USP9Y: variants seen among roughly 807,000 people sequenced by gnomAD.
USP9Y encodes the protein ubiquitin specific peptidase 9 Y-linked, also known as ubiquitin carboxyl-terminal hydrolase 9Y.
A neutral mutation model predicts 53.1 loss-of-function variants in USP9Y; 41 were observed. That is an observed-to-expected ratio of 0.77 (90% CI 0.60 to 1.00). The LOEUF (loss-of-function observed/expected upper bound fraction) is 1.00, where lower values mean the gene tolerates loss of function less well. Among genes scored for constraint, USP9Y ranks in the 50% least tolerant of loss-of-function variants. USP9Y has a pLI of 0.00. For missense variants in USP9Y, 567 were observed against 535.8 expected, an observed-to-expected ratio of 1.06 and a Z score of -0.58; for synonymous variants, 220 against 173.7, an observed-to-expected ratio of 1.27 and a Z score of -2.09.
At chrY:12,857,091 G>C (rs1603204499) in intron 44 of USP9Y, 1 of 101,074 alleles carries the variant, frequency 9.9e-6, no homozygotes, top group Non-Finnish European at 1.9e-5. Flanking sequence ...TCTTTTGTTT[G>C]TTTTTTGTCT....
intron 42 of USP9Y, among the ~76,000 whole-genome samples, chrY:12,853,281 C>T: frequency 2.9e-5 from 1 of 34,200 alleles, no homozygotes; most frequent in Non-Finnish European, 7.3e-5. Flanking sequence ...CCTTGCAGTT[C>T]GATCTCAGAC....
chrY:12,858,416 C>T (rs2053579808), intron 45 of USP9Y, among the ~76,000 whole-genome samples: 1 of 32,155 alleles, frequency 3.1e-5, no homozygotes, highest in African/African-American at 1.2e-4. Flanking sequence ...CTGTAACCTC[C>T]GCCTCTGGGG....
chrY:12,774,465 CA>C lies in USP9Y; in HGVS notation c.2331+561del, dbSNP rs771610111. On this transcript the variant is annotated intron_variant, in intron 17 of 45. Coordinates refer to ENST00000338981, the MANE Select transcript of USP9Y (RefSeq NM_004654.4). ...CTGAGGACAGAGCGAGACTCCGTCT[CA>C]AAAAAAAAAAAAAAAAAAAAGAATT... Among the ~76,000 whole-genome samples the C allele has an allele frequency of 1.4e-3, 7 of 4,964 alleles. No homozygotes were observed. In the East Asian group the frequency reaches 0.027, roughly 19 times the overall value. 13.3% of individuals were successfully genotyped at this position (4,964 alleles called of 37,273 possible). A position where few individuals can be genotyped will look rare whatever the true frequency, so the allele number is the denominator to read the frequency against.
In USP9Y at chrY:12,838,017, G is replaced by A. The variant is rs1216873282; in HGVS notation, c.5302G>A (p.Ala1768Thr). 1 of 381,412 alleles carries A rather than the reference G, an allele frequency of 2.6e-6. No individual in the cohort carries two copies. The highest frequency in any genetic ancestry group is 7.6e-5 in the Admixed American group (1 of 13,195). Residue 1768 changes from alanine to threonine, a missense_variant, in exon 35 of 46, where the codon GCA (alanine) becomes ACA (threonine). Coordinates refer to ENST00000338981, the MANE Select transcript of USP9Y (RefSeq NM_004654.4). ...QYIKGDLLEG[A>T]NAYHCEKCDK... Reference sequence around the variant, plus strand: ...TATCAAAGGAGATTTATTGGAAGGTGCAAATGCATATCATTGTGAAAAATG... The same window carrying A: ...TATCAAAGGAGATTTATTGGAAGGTACAAATGCATATCATTGTGAAAAATG...
rs2053539871 is a variant in USP9Y, at chrY:12,820,109, C to CA, written c.5021+1510dup. On this transcript the variant is annotated intron_variant, in intron 33 of 45. Transcript: ENST00000338981. The stretch of plus-strand genomic sequence containing the variant: ...TCAGCAACAGAGGGAGACCCTATCT[C>CA]AAAAAAAAAAACAAAGAAAGAGCTC... 2.7e-3 allele frequency among the ~76,000 whole-genome samples: 74 copies of CA among 27,513 alleles called. No homozygotes were observed. In the South Asian group the frequency reaches 0.029, roughly 11 times the overall value. The allele number at this position is 27,513 out of a possible 37,273, so 73.8% of individuals were successfully genotyped here. A position where few individuals can be genotyped will look rare whatever the true frequency, so the allele number is the denominator to read the frequency against.
In USP9Y at chrY:12,778,724, A is replaced by G. The variant is rs776838434; in HGVS notation, c.2999A>G (p.Asn1000Ser). 1 of 397,876 alleles carries G rather than the reference A, an allele frequency of 2.5e-6. No individual in the cohort carries two copies. Among genetic ancestry groups the G allele is most frequent in the Non-Finnish European group, 3.5e-6 (1 of 282,801 alleles). The change falls in exon 21 of 46, where the codon AAT becomes AGT. Residue 1000 changes from asparagine (N) to serine (S), a missense_variant. By Grantham distance (46) the Asn-to-Ser change is conservative. Coordinates refer to ENST00000338981, the MANE Select transcript of USP9Y (RefSeq NM_004654.4). ...CGTAATCATTACAATGATGGTCCCA[A>G]TCTAGAGGTGGAAAGTTGTTTGCCT... ...NHRNHYNDGP[N>S]LEVESCLPGV...
At chrY:12,797,195 C>CT (rs2053513898) in intron 27 of USP9Y, among the ~76,000 whole-genome samples, 1 of 33,685 alleles carries the variant, frequency 3.0e-5, no homozygotes, top group African/African-American at 1.2e-4. Context: ...GAATCAAACT[C>CT]TATAGAATAT....
chrY:12,738,151 A>G lies in USP9Y; in HGVS notation c.1165-6A>G. On this transcript the variant is annotated splice_polypyrimidine_tract_variant and splice_region_variant and intron_variant, in intron 10 of 45. Transcript: ENST00000338981. ...TTTCAGCATTGAATTTTTGTATTAC[A>G]TTTAGGAATGGATACAGCAAAATAA... 2 of 383,235 alleles carry G rather than the reference A, an allele frequency of 5.2e-6. No homozygotes were observed. Among genetic ancestry groups the G allele is most frequent in the East Asian group, 9.6e-5 (1 of 10,433 alleles).
chrY:12,753,022 G>A (rs2148283334), intron 12 of USP9Y, among the ~76,000 whole-genome samples: 1 of 33,124 alleles, frequency 3.0e-5, no homozygotes, highest in Non-Finnish European at 7.4e-5. Context: ...CGTCACCCAG[G>A]TGAGAGGGCA....
chrY:12,842,261 T>C lies in USP9Y; in HGVS notation c.6234T>C (p.Leu2078=), dbSNP rs755615462. Residue 2078 remains leucine (L), a synonymous_variant, in exon 38 of 46, where the codon CTT becomes CTC. Coordinates refer to ENST00000338981, the MANE Select transcript of USP9Y (RefSeq NM_004654.4). The part of the protein sequence containing the change: ...ASDWYDALCV[L]LRHSKNVRFW... ...TTAGGTATGATGCACTGTGCGTTCTTCTCCGTCACAGCAAAAATGTACGTT... is the reference window on the plus strand; with the variant it reads ...TTAGGTATGATGCACTGTGCGTTCTCCTCCGTCACAGCAAAAATGTACGTT... 2.5e-6 allele frequency: 1 copy of C among 398,410 alleles called. No homozygotes were observed. Among genetic ancestry groups the C allele is most frequent in the Admixed American group, 7.5e-5 (1 of 13,395 alleles).
intron 35 of USP9Y, among the ~76,000 whole-genome samples, chrY:12,838,607 A>T: frequency 3.1e-5 from 1 of 32,446 alleles, no homozygotes; most frequent in Non-Finnish European, 7.6e-5. Context: ...CAGCCTCCCA[A>T]CTAGCTGAGA....
intron 3 of USP9Y, 143 bp from the exon 4 acceptor site, chrY:12,720,446 T>C: frequency 5.9e-6 from 1 of 169,513 alleles, no homozygotes. Context: ...AAAATACTTC[T>C]GTATTAACCA....
chrY:12,713,467 C>T (rs2053426886), intron 3 of USP9Y, among the ~76,000 whole-genome samples: 1 of 33,074 alleles, frequency 3.0e-5, no homozygotes, highest in African/African-American at 1.2e-4. Context: ...TATCATTTTT[C>T]TACTCTCAGA....
At chrY:12,753,523 C>CT (rs2053465831) in intron 12 of USP9Y, among the ~76,000 whole-genome samples, 1 of 33,243 alleles carries the variant, frequency 3.0e-5, no homozygotes, top group Non-Finnish European at 7.4e-5. Context: ...AGTGTTTCTT[C>CT]TTTTTTTCCT....
intron 42 of USP9Y, among the ~76,000 whole-genome samples, chrY:12,852,821 G>A (rs2053572588): frequency 3.0e-5 from 1 of 33,485 alleles, no homozygotes; most frequent in Admixed American, 2.7e-4. Context: ...TCCAGACGCT[G>A]TTTGCCTGGG....
At chrY:12,741,115 T>A (rs2053456779) in intron 12 of USP9Y, among the ~76,000 whole-genome samples, 1 of 31,795 alleles carries the variant, frequency 3.1e-5, no homozygotes, top group Non-Finnish European at 7.6e-5. Flanking sequence ...CTCTGGAGAA[T>A]GTCTTGGACC....
chrY:12,750,718 G>A (rs955311674), intron 12 of USP9Y, among the ~76,000 whole-genome samples: 4 of 33,071 alleles, frequency 1.2e-4, no homozygotes, highest in Admixed American at 2.8e-4. Context: ...TATACTTCTC[G>A]AATAAATTAT....
chrY:12,709,973 ACT>A (rs2053423416), intron 3 of USP9Y, among the ~76,000 whole-genome samples: 2 of 31,978 alleles, frequency 6.3e-5, no homozygotes, highest in African/African-American at 2.5e-4. Flanking sequence ...AAAAAAAGTG[ACT>A]CTGGCATTTA....
At chrY:12,841,750 GC>G (rs2053561408) in intron 37 of USP9Y, among the ~76,000 whole-genome samples, 1 of 32,283 alleles carries the variant, frequency 3.1e-5, no homozygotes, top group East Asian at 8.0e-4. Context: ...GGAGGCTGAG[GC>G]AGTAGTATCA....
Sources: allele counts gnomAD v4.1 joint callset (sites outside exome capture counted in the v4.1 genomes callset), GRCh38; gene constraint gnomAD v4.1.1; transcripts MANE v1.5; gene names NCBI Gene and HGNC (gene_info 2026-07-23, HGNC 2026-07-21).